The following SDK1 variants were observed in gnomAD, a reference collection of about 807,000 sequenced individuals.
SDK1 encodes the protein sidekick cell adhesion molecule 1, also known as protein sidekick-1.
In SDK1, 157 loss-of-function variants were observed where a neutral mutation model predicts 245.5. The observed-to-expected ratio is 0.64, with a 90% CI of 0.56 to 0.73. SDK1 has a LOEUF of 0.73. SDK1 is among the 30% of genes least tolerant of loss of function. The probability of loss-of-function intolerance (pLI) is 0.00; values close to 1 mark genes in which losing one functional copy is unlikely to be tolerated. For synonymous variants in SDK1, 1,647 were observed against 1,278.5 expected (o/e 1.29, Z -6.15); for missense variants, 3,583 against 3,002.3 (o/e 1.19, Z -4.52).
At chr7:3,576,851 C>T (rs1780309278) in intron 1 of SDK1, among the ~76,000 whole-genome samples, 1 of 152,024 alleles carries the variant, frequency 6.6e-6, no homozygotes, top group South Asian at 2.1e-4. Context: ...CTCTGCAAAG[C>T]AGAAGTTGGT....
At chr7:4,115,969 G>A (rs746891906) in intron 25 of SDK1, among the ~76,000 whole-genome samples, 17 of 152,268 alleles carry the variant, frequency 1.1e-4, no homozygotes, top group East Asian at 1.9e-4. Context: ...AGGAGGAGGC[G>A]GATGACGTGG....
rs1788514039 is a variant in SDK1 at position 4,267,083 on chromosome 7, C to T, written c.*1699C>T. 2 of 985,382 alleles carry T rather than the reference C, an allele frequency of 2.0e-6. No individual in the cohort carries two copies. Among genetic ancestry groups the T allele is most frequent in the East Asian group, 1.1e-4 (1 of 8,798 alleles). The allele number at this position is 985,382 out of a possible 1,614,324, so 61.0% of individuals were successfully genotyped here. A position where few individuals can be genotyped will look rare whatever the true frequency, so the allele number is the denominator to read the frequency against. ...TGCTGTCAGCGTTGCTGAGTATGGC[C>T]CCAGGAGACCAAGGAGAGTTTTGTA... On this transcript the variant is annotated 3_prime_UTR_variant, in exon 45 of 45. Transcript: ENST00000404826.
At chr7:3,453,882 G>C (rs1273417209) in intron 1 of SDK1, among the ~76,000 whole-genome samples, 2 of 152,108 alleles carry the variant, frequency 1.3e-5, no homozygotes, top group Admixed American at 6.6e-5. Context: ...ATGGCACTGA[G>C]AGACAGTATT....
At chr7:4,197,367 A>G (rs1159753490) in intron 35 of SDK1, among the ~76,000 whole-genome samples, 2 of 152,090 alleles carry the variant, frequency 1.3e-5, no homozygotes, top group African/African-American at 4.8e-5. Flanking sequence ...GTATGCCTTT[A>G]GTTCCAGCTA....
chr7:4,111,754 C>T (rs1486415963), intron 23 of SDK1, among the ~76,000 whole-genome samples: 1 of 152,176 alleles, frequency 6.6e-6, no homozygotes, highest in Non-Finnish European at 1.5e-5. Flanking sequence ...CTGTCTGAAA[C>T]TCAGGTACAT....
intron 32 of SDK1, 134 bp from the exon 33 acceptor site, chr7:4,174,088 C>A: frequency 2.2e-6 from 2 of 907,138 alleles, no homozygotes; most frequent in South Asian, 3.0e-5. Flanking sequence ...CTTGATGAAT[C>A]TGACACCTGT....
At chr7:3,557,623 C>G (rs1246126779) in intron 1 of SDK1, among the ~76,000 whole-genome samples, 1 of 152,162 alleles carries the variant, frequency 6.6e-6, no homozygotes, top group Non-Finnish European at 1.5e-5. Flanking sequence ...ATATCCATGT[C>G]AAAGAAATCC....
At position 3,561,487 on chromosome 7, in the gene SDK1, T is replaced by G. The variant is rs181478596; in HGVS notation, c.299-57593T>G. Among the ~76,000 whole-genome samples the G allele has an allele frequency of 2.4e-3, 369 of 152,304 alleles. 3 individuals are homozygous for G. Among genetic ancestry groups the G allele is most frequent in the South Asian group, 0.018 (87 of 4,824 alleles). On this transcript the variant is annotated intron_variant, in intron 1 of 44. Transcript: ENST00000404826. ...CTCGGAGATCTCTGAGAACATAAGC[T>G]TTCTCATGAGCACTGTTTTCCCTGT... is the stretch of plus-strand genomic sequence containing the variant.
intron 4 of SDK1, among the ~76,000 whole-genome samples, chr7:3,768,274 A>C (rs1400164233): frequency 6.6e-6 from 1 of 152,230 alleles, no homozygotes; most frequent in African/African-American, 2.4e-5. Flanking sequence ...GCTTTGAAGG[A>C]TGTGCAAGAG....
chr7:3,462,002 C>A (rs1227906879), intron 1 of SDK1, among the ~76,000 whole-genome samples: 1 of 152,166 alleles, frequency 6.6e-6, no homozygotes. Context: ...CTCCCCTAAC[C>A]CTTCCCTAAT....
chr7:4,138,017 C>G (rs181367874), intron 28 of SDK1, among the ~76,000 whole-genome samples: 8 of 152,324 alleles, frequency 5.3e-5, no homozygotes, highest in Non-Finnish European at 1.2e-4. Context: ...TTATGTTCAG[C>G]AGACCGTGGT....
rs1231357649 is a variant in SDK1 at position 3,641,966 on chromosome 7, A to G, written c.574A>G (p.Ser192Gly). ...CTTCTTTTTCTCTGCAGATATGGGA[A>G]GTTTCATGGATACGGACCAGAGGAA... The part of the protein sequence containing the change: ...KSEVQVAYMG[S>G]FMDTDQRKTV... The change falls in exon 4 of 45, where the codon AGT (serine) becomes GGT (glycine). Residue 192 changes from serine to glycine, a missense_variant. Transcript: ENST00000404826. 6.2e-7 allele frequency: 1 copy of G among 1,612,392 alleles called. No homozygotes were observed. Among genetic ancestry groups the G allele is most frequent in the Non-Finnish European group, 8.5e-7 (1 of 1,179,426 alleles).
rs183584017 is a variant in SDK1 at position 3,599,074 on chromosome 7, T to G, written c.299-20006T>G. Among the ~76,000 whole-genome samples the G allele has an allele frequency of 4.7e-3, 694 of 147,400 alleles. 7 individuals carry two copies. The highest frequency in any genetic ancestry group is 0.016 in the African/African-American group (648 of 39,982). Reference sequence around the variant, plus strand: ...TAGTACTCTGTGTAGCCACCAGCAATGTGGGACTAATCCACCTTTTTTTTT... The same window carrying G: ...TAGTACTCTGTGTAGCCACCAGCAAGGTGGGACTAATCCACCTTTTTTTTT... On this transcript the variant is annotated intron_variant, in intron 1 of 44. Coordinates refer to ENST00000404826, the MANE Select transcript of SDK1 (RefSeq NM_152744.4).
chr7:3,510,888 G>A (rs1782556501), intron 1 of SDK1, among the ~76,000 whole-genome samples: 1 of 152,154 alleles, frequency 6.6e-6, no homozygotes, highest in South Asian at 2.1e-4. Context: ...CCCTGCAGCC[G>A]CCATTTCAAA....
At chr7:4,066,123 T>C (rs1779882186) in intron 19 of SDK1, among the ~76,000 whole-genome samples, 1 of 152,158 alleles carries the variant, frequency 6.6e-6, no homozygotes, top group Non-Finnish European at 1.5e-5. Flanking sequence ...ATGTCTCGTC[T>C]CTTCTCCATC....
chr7:3,779,556 T>G (rs928335773), intron 4 of SDK1, among the ~76,000 whole-genome samples: 8 of 152,150 alleles, frequency 5.3e-5, no homozygotes, highest in African/African-American at 1.9e-4. Context: ...ATATTGACGA[T>G]CTTTATATTG....
intron 4 of SDK1, among the ~76,000 whole-genome samples, chr7:3,803,315 CTTTT>C (rs60469408): frequency 2.5e-5 from 3 of 119,866 alleles, no homozygotes; most frequent in South Asian, 5.7e-4. Flanking sequence ...TTCTTTCTTT[CTTTT>C]TTTTTTTTGG....
chr7:3,953,486 C>G (rs942858383), intron 7 of SDK1, among the ~76,000 whole-genome samples: 2 of 152,250 alleles, frequency 1.3e-5, no homozygotes, highest in African/African-American at 4.8e-5. Flanking sequence ...ACATCCCATT[C>G]TCTGCAAAGA....
intron 1 of SDK1, among the ~76,000 whole-genome samples, chr7:3,434,473 G>T (rs539450649): frequency 2.0e-5 from 3 of 152,166 alleles, no homozygotes; most frequent in African/African-American, 4.8e-5. Flanking sequence ...TGGAGAAGAC[G>T]GAGTGTCATA....
Sources: gnomAD v4.1 joint callset for allele counts (sites outside exome capture counted in the v4.1 genomes callset) on GRCh38, gnomAD v4.1.1 for gene constraint, MANE v1.5 for transcripts, NCBI Gene and HGNC (gene_info 2026-07-23, HGNC 2026-07-21) for gene names.